Variants in EMILIN3 observed in about 807,000 individuals in gnomAD.
The protein encoded by EMILIN3 is EMILIN-3.
In EMILIN3, 38 loss-of-function variants were observed where a neutral mutation model predicts 42.8. The ratio of observed to expected loss-of-function variants is 0.89; its 90% CI spans 0.69 to 1.16. The LOEUF (loss-of-function observed/expected upper bound fraction) is 1.16, where lower values mean the gene tolerates loss of function less well. Among genes scored for constraint, EMILIN3 ranks in the 50% most tolerant of loss-of-function variants. The probability of loss-of-function intolerance (pLI) is 0.00; values close to 1 mark genes in which losing one functional copy is unlikely to be tolerated. For synonymous variants in EMILIN3, 430 were observed against 440.5 expected, an observed-to-expected ratio of 0.98 and a Z score of 0.30; for missense variants, 924 against 999.5, an observed-to-expected ratio of 0.92 and a Z score of 1.02.
At position 41,366,503 on chromosome 20, in the gene EMILIN3, C is replaced by G. The variant is rs2046394897; in HGVS notation, c.132G>C (p.Thr44=). The G allele has an allele frequency of 1.7e-6, 2 of 1,155,672 alleles. No individual in the cohort carries two copies. Among genetic ancestry groups the G allele is most frequent in the Non-Finnish European group, 2.1e-6 (2 of 940,238 alleles). 71.6% of individuals were successfully genotyped at this position (1,155,672 alleles called of 1,614,324 possible). Residue 44 remains threonine, a synonymous_variant, in exon 1 of 4, where the codon ACG becomes ACC. Transcript: ENST00000332312. The surrounding 1 kb of genome is among the most constrained non-coding windows in gnomAD (Gnocchi z 4.2). ...CCGGGCGCAGCCGCGGGCGCCATCC[C>G]GTCGTGTAGAGACTGTAGCGGGAGG... ...PGASRYSLYT[T]GWRPRLRPGP... is the part of the protein sequence containing the mutation.
rs775974755 is a variant in EMILIN3 at position 41,362,438 on chromosome 20, G to A, written c.1131C>T (p.Ser377=). The A allele has an allele frequency of 2.0e-5, 32 of 1,600,448 alleles. 1 individual carries two copies. The highest frequency in any genetic ancestry group is 2.0e-4 in the South Asian group (18 of 91,050). ...SQLGSQLQGL[S]VSGRGSCCGQ... ...CACAGCAGCTGCCCCTGCCAGACAC[G>A]CTCAGGCCCTGCAGCTGGCTGCCCA... Residue 377 remains serine, a synonymous_variant, in exon 4 of 4, where the codon AGC becomes AGT. Coordinates refer to ENST00000332312, the MANE Select transcript of EMILIN3 (RefSeq NM_052846.2).
Position 41,362,338 on chromosome 20 carries a change from C to T in EMILIN3, c.1231G>A (p.Gly411Ser). The change falls in exon 4 of 4, where the codon GGC becomes AGC. Residue 411 changes from glycine to serine, a missense_variant. Transcript: ENST00000332312. ...ALQAVTETQR[G>S]PGAPAGDELT... ...TCATCCCCGGCCGGGGCACCGGGGC[C>T]CCTTTGGGTCTCGGTGACTGCCTGC... 1 of 1,610,816 alleles carries T rather than the reference C, an allele frequency of 6.2e-7. No homozygotes were observed. Among genetic ancestry groups the T allele is most frequent in the South Asian group, 1.1e-5 (1 of 91,070 alleles).
Position 41,361,501 on chromosome 20 carries a change from CAA to C in EMILIN3, c.2066_2067del (p.Phe689Ter), listed in dbSNP as rs771541415. The stretch of plus-strand genomic sequence containing the variant: ...CCCTCCACTTGTGCCACCCGCTGGT[CAA>C]AGTGTCCCACTGTGTGCTGAAGTTT... ...AQKLQHTVGHFDQRVAQVEGA... is the reference protein window; with the variant it reads ...AQKLQHTVGHXDQRVAQVEGA... On this transcript the variant is annotated frameshift_variant, in exon 4 of 4. Coordinates refer to ENST00000332312, the MANE Select transcript of EMILIN3 (RefSeq NM_052846.2). LOFTEE classifies it high-confidence loss of function. 6.2e-7 allele frequency: 1 copy of C among 1,608,856 alleles called. No homozygotes were observed. The highest frequency in any genetic ancestry group is 8.5e-7 in the Non-Finnish European group (1 of 1,177,494).
chr20:41,365,903 A>G (rs2046391059), intron 1 of EMILIN3, among the ~76,000 whole-genome samples: 1 of 152,116 alleles, frequency 6.6e-6, no homozygotes, highest in Non-Finnish European at 1.5e-5. Context: ...GCCTGGCATA[A>G]GCCGACCGCT....
chr20:41,361,253 T>G lies in EMILIN3; in HGVS notation c.*15A>C. The G allele has an allele frequency of 6.4e-7, 1 of 1,566,092 alleles. No homozygotes were observed. The highest frequency in any genetic ancestry group is 8.7e-7 in the Non-Finnish European group (1 of 1,149,276). ...GAGTTGGTGGGATCTAGGGGTTGGG[T>G]CCTGGCCAGCCTGTCTAGTTGGCTT... On this transcript the variant is annotated 3_prime_UTR_variant, in exon 4 of 4. Coordinates refer to ENST00000332312, the MANE Select transcript of EMILIN3 (RefSeq NM_052846.2).
In EMILIN3 at chr20:41,366,031, G is replaced by C. The variant is rs1357614353; in HGVS notation, c.167+437C>G. Reference sequence around the variant, plus strand: ...GCCAGGCTGACTGCGAGAGGGCAGCGGCCGCCCGGATGCGCAGCTCTATCT... The same window carrying C: ...GCCAGGCTGACTGCGAGAGGGCAGCCGCCGCCCGGATGCGCAGCTCTATCT... On this transcript the variant is annotated intron_variant, in intron 1 of 3. Coordinates refer to ENST00000332312, the MANE Select transcript of EMILIN3 (RefSeq NM_052846.2). The surrounding 1 kb of genome is among the most constrained non-coding windows in gnomAD (Gnocchi z 4.2). Among the ~76,000 whole-genome samples the C allele has an allele frequency of 1.3e-5, 2 of 152,184 alleles. No homozygotes were observed. Among genetic ancestry groups the C allele is most frequent in the Admixed American group, 1.3e-4 (2 of 15,292 alleles).
At chr20:41,363,994 G>A in intron 2 of EMILIN3, 133 bp from the exon 3 acceptor site, 1 of 792,392 alleles carries the variant, frequency 1.3e-6, no homozygotes, top group Non-Finnish European at 2.0e-6. Flanking sequence ...CACCCCCAGG[G>A]CTGTACTTTT....
rs777288264 is a variant in EMILIN3 at position 41,362,240 on chromosome 20, A to G, written c.1329T>C (p.Asn443=). 1 of 1,600,208 alleles carries G rather than the reference A, an allele frequency of 6.2e-7. No homozygotes were observed. Among genetic ancestry groups the G allele is most frequent in the South Asian group, 1.1e-5 (1 of 90,662 alleles). The part of the protein sequence containing the change: ...DGLLEGLETL[N]GTEGGARGCC... ...ATCCCCTTGCTCCACCCTCTGTCCC[A>G]TTGAGCGTCTCCAGACCCTCAAGCA... The change falls in exon 4 of 4, where the codon AAT becomes AAC. Residue 443 remains asparagine, a synonymous_variant. Transcript: ENST00000332312.
At chr20:41,365,212 C>G in intron 1 of EMILIN3, 55 bp from the exon 2 acceptor site, 1 of 1,598,822 alleles carries the variant, frequency 6.3e-7, no homozygotes, top group Non-Finnish European at 8.5e-7. Flanking sequence ...CCCACAGAGG[C>G]GCCTACCCTC....
chr20:41,364,183 T>G (rs1287927961), intron 2 of EMILIN3, among the ~76,000 whole-genome samples: 1 of 152,070 alleles, frequency 6.6e-6, no homozygotes, highest in African/African-American at 2.4e-5. Flanking sequence ...CCATGAGAAA[T>G]TCCACTCAGG....
Position 41,362,382 on chromosome 20 carries a change from T to C in EMILIN3, c.1187A>G (p.Asp396Gly), listed in dbSNP as rs148816408. The C allele has an allele frequency of 4.3e-5, 69 of 1,605,142 alleles. 1 individual carries two copies. The African/African-American group carries it at 7.9e-4, about 18-fold the overall frequency. The change falls in exon 4 of 4, where the codon GAT becomes GGT. Residue 396 changes from aspartate (D) to glycine (G), a missense_variant. Asp to Gly is a moderately conservative substitution (Grantham distance 94). Transcript: ENST00000332312. ...GQLALINARM[D>G]GLERALQAVT... ...TGCCTGCAGGGCCCTCTCAAGGCCA[T>C]CCATACGGGCATTGATCAAGGCTAG...
Position 41,365,176 on chromosome 20 carries a change from C to G in EMILIN3, c.168-19G>C. 6.2e-7 allele frequency: 1 copy of G among 1,612,786 alleles called. No homozygotes were observed. The highest frequency in any genetic ancestry group is 8.5e-7 in the Non-Finnish European group (1 of 1,179,334). On this transcript the variant is annotated intron_variant, in intron 1 of 3. Coordinates refer to ENST00000332312, the MANE Select transcript of EMILIN3 (RefSeq NM_052846.2). ...GAGGGCCCTACAGGAGAAAATGGCA[C>G]CCCTGGAATATCTGGCTGAGCGAGG...
chr20:41,363,902 G>A, intron 2 of EMILIN3, 41 bp from the exon 3 acceptor site: 1 of 1,589,288 alleles, frequency 6.3e-7, no homozygotes, highest in Non-Finnish European at 8.6e-7. Context: ...CTGCACCTGA[G>A]GGCTGTGCTT....
Position 41,361,566 on chromosome 20 carries a change from ACC to A in EMILIN3, c.2001_2002del (p.Lys667AsnfsTer23). ...CTGGCAGCGGCTCAGCCCACTGGCC[ACC>A]TTGGCCACACCAGCCTTGAGTTGCT... On this transcript the variant is annotated frameshift_variant, in exon 4 of 4. Transcript: ENST00000332312. LOFTEE classifies it high-confidence loss of function. 6.2e-7 allele frequency: 1 copy of A among 1,611,674 alleles called. No homozygotes were observed. Among genetic ancestry groups the A allele is most frequent in the South Asian group, 1.1e-5 (1 of 91,060 alleles).
chr20:41,363,714 C>T lies in EMILIN3; in HGVS notation c.438G>A (p.Glu146=). The T allele has an allele frequency of 6.2e-7, 1 of 1,614,084 alleles. No individual in the cohort carries two copies. Among genetic ancestry groups the T allele is most frequent in the Non-Finnish European group, 8.5e-7 (1 of 1,180,022 alleles). The part of the protein sequence containing the change: ...HGAASPQLEP[E]PQIPSGQLDP... ...CCAGCTGCCCTGAAGGAATCTGAGG[C>T]TCAGGCTCCAGCTGGGGTGAGGCAG... is the stretch of plus-strand genomic sequence containing the variant. The change falls in exon 3 of 4, where the codon GAG becomes GAA. Residue 146 remains glutamate (E), a synonymous_variant. Coordinates refer to ENST00000332312, the MANE Select transcript of EMILIN3 (RefSeq NM_052846.2).
rs757805112 is a variant in EMILIN3 at position 41,361,239 on chromosome 20, A to T, written c.*29T>A. ...GGGTGATGTTCCCCGAGTTGGTGGGATCTAGGGGTTGGGTCCTGGCCAGCC... is the reference window on the plus strand; with the variant it reads ...GGGTGATGTTCCCCGAGTTGGTGGGTTCTAGGGGTTGGGTCCTGGCCAGCC... On this transcript the variant is annotated 3_prime_UTR_variant, in exon 4 of 4. Coordinates refer to ENST00000332312, the MANE Select transcript of EMILIN3 (RefSeq NM_052846.2). 2 of 1,550,390 alleles carry T rather than the reference A, an allele frequency of 1.3e-6. No homozygotes were observed. The highest frequency in any genetic ancestry group is 3.6e-5 in the Admixed American group (2 of 55,822).
At chr20:41,365,203 C>T in intron 1 of EMILIN3, 46 bp from the exon 2 acceptor site, 1 of 1,606,244 alleles carries the variant, frequency 6.2e-7, no homozygotes, top group Non-Finnish European at 8.5e-7. Context: ...TGAGCGAGGC[C>T]CACAGAGGCG....
rs746883941 is a variant in EMILIN3 at position 41,366,480 on chromosome 20, G to C, written c.155C>G (p.Pro52Arg). ...CGCCCGCGCTTACTTGTGCGGCCCCGGGCGCAGCCGCGGGCGCCATCCCGT... is the reference window on the plus strand; with the variant it reads ...CGCCCGCGCTTACTTGTGCGGCCCCCGGCGCAGCCGCGGGCGCCATCCCGT... ...YTTGWRPRLR[P>R]GPHKALCAYV... Residue 52 changes from proline (P) to arginine (R), a missense_variant, in exon 1 of 4, where the codon CCG becomes CGG. Physicochemically the swap from Pro to Arg is moderately radical, Grantham distance 103. Coordinates refer to ENST00000332312, the MANE Select transcript of EMILIN3 (RefSeq NM_052846.2). This position sits in a 1 kb window ranked among gnomAD's most constrained non-coding sequence, Gnocchi z 4.2. 47 of 1,142,918 alleles carry C rather than the reference G, an allele frequency of 4.1e-5. 1 individual carries two copies. In the African/African-American group the frequency reaches 5.8e-4, roughly 14 times the overall value. 70.8% of individuals were successfully genotyped at this position (1,142,918 alleles called of 1,614,324 possible). A position where few individuals can be genotyped will look rare whatever the true frequency, so the allele number is the denominator to read the frequency against.
rs1482930647 is a variant in EMILIN3 at position 41,366,433 on chromosome 20, C to T, written c.167+35G>A. ...AGCGGCGACGCGCGCGGGCCCATCC[C>T]TCCCTCTTCCCGCCCGCCGCCCGCC... On this transcript the variant is annotated intron_variant, in intron 1 of 3. Coordinates refer to ENST00000332312, the MANE Select transcript of EMILIN3 (RefSeq NM_052846.2). The surrounding 1 kb of genome is among the most constrained non-coding windows in gnomAD (Gnocchi z 4.2). 1.8e-6 allele frequency: 2 copies of T among 1,108,572 alleles called. No homozygotes were observed. The highest frequency in any genetic ancestry group is 1.7e-5 in the African/African-American group (1 of 59,822). The allele number at this position is 1,108,572 out of a possible 1,614,324, so 68.7% of individuals were successfully genotyped here.
Sources: gnomAD v4.1 joint callset for allele counts (sites outside exome capture counted in the v4.1 genomes callset) on GRCh38, gnomAD v4.1.1 for gene constraint, Gnocchi (gnomAD v3.1) non-coding constraint, MANE v1.5 for transcripts, NCBI Gene and HGNC (gene_info 2026-07-23, HGNC 2026-07-21) for gene names.